The following FAM91A1 variants were observed in gnomAD, a reference collection of about 807,000 sequenced individuals.
The protein encoded by FAM91A1 is family with sequence similarity 91 member A1.
FAM91A1 carries 41 observed loss-of-function variants against 113.5 expected under a neutral mutation model. That is an observed-to-expected ratio of 0.36 (90% CI 0.28 to 0.47). FAM91A1 has a LOEUF of 0.47. Ranked by LOEUF, FAM91A1 falls within the 20% of genes least tolerant of loss-of-function variation. The pLI is 1.00. For missense variants in FAM91A1, 696 were observed against 1,001.2 expected, an observed-to-expected ratio of 0.70 and a Z score of 4.11; for synonymous variants, 307 against 347.9, an observed-to-expected ratio of 0.88 and a Z score of 1.31.
At chr8:123,778,528 AAG>A in intron 5 of FAM91A1, 129 bp from the exon 6 acceptor site, 1 of 622,698 alleles carries the variant, frequency 1.6e-6, no homozygotes, top group East Asian at 3.1e-5. Context: ...TAGAATTGTT[AAG>A]ATTTTAAAAC....
intron 16 of FAM91A1, among the ~76,000 whole-genome samples, 190 bp from the exon 17 acceptor site, chr8:123,799,330 G>T (rs1815619248): frequency 6.6e-6 from 1 of 152,128 alleles, no homozygotes; most frequent in Non-Finnish European, 1.5e-5. Context: ...TCTCTTAATT[G>T]CAGTGACAAG....
intron 20 of FAM91A1, among the ~76,000 whole-genome samples, chr8:123,806,846 A>G (rs1036793346): frequency 2.7e-5 from 4 of 150,260 alleles, no homozygotes; most frequent in African/African-American, 9.8e-5. Context: ...TCTCCTTTCT[A>G]TCTCCAGTCT....
At position 123,814,265 on chromosome 8, in the gene FAM91A1, A is replaced by G. The variant is rs1219010137; in HGVS notation, c.*1561A>G. On this transcript the variant is annotated 3_prime_UTR_variant, in exon 24 of 24. Transcript: ENST00000334705. ...GAGTCACTCACTTATTTTTCCAATA[A>G]TTGATATTGTACATTCCTAGTGCCA... The G allele has an allele frequency of 3.1e-6, 1 of 322,934 alleles. No individual in the cohort carries two copies. Among genetic ancestry groups the G allele is most frequent in the African/African-American group, 2.3e-5 (1 of 43,346 alleles). 20.0% of individuals were successfully genotyped at this position (322,934 alleles called of 1,614,324 possible). A position where few individuals can be genotyped will look rare whatever the true frequency, so the allele number is the denominator to read the frequency against.
intron 1 of FAM91A1, among the ~76,000 whole-genome samples, chr8:123,771,999 C>G (rs1330480873): frequency 2.0e-5 from 3 of 152,046 alleles, no homozygotes; most frequent in Admixed American, 1.3e-4. Flanking sequence ...AAAAAGTCAC[C>G]TTCTCTAGTG....
intron 18 of FAM91A1, among the ~76,000 whole-genome samples, chr8:123,800,568 T>C (rs548758806): frequency 2.0e-5 from 3 of 152,278 alleles, no homozygotes; most frequent in Admixed American, 2.0e-4. Flanking sequence ...TGGGTTTTAG[T>C]GTGTTCACAG....
chr8:123,795,949 C>G (rs903907249), intron 15 of FAM91A1, among the ~76,000 whole-genome samples: 1 of 152,186 alleles, frequency 6.6e-6, no homozygotes, highest in Non-Finnish European at 1.5e-5. Flanking sequence ...GCAGAAGGGC[C>G]TGGGCAACAA....
At chr8:123,788,243 T>A (rs1211286627) in intron 14 of FAM91A1, 1 of 985,062 alleles carries the variant, frequency 1.0e-6, no homozygotes, top group African/African-American at 1.7e-5. Context: ...ACCACCTTTT[T>A]CCCCGTGAGT....
chr8:123,780,383 T>C (rs1815089506), intron 7 of FAM91A1, 97 bp from the exon 8 acceptor site: 5 of 942,376 alleles, frequency 5.3e-6, no homozygotes, highest in African/African-American at 1.7e-5. Flanking sequence ...TAGCATTCAT[T>C]TGTAAGAATC....
chr8:123,791,439 G>A (rs1815382133), intron 15 of FAM91A1, among the ~76,000 whole-genome samples: 1 of 152,168 alleles, frequency 6.6e-6, no homozygotes, highest in East Asian at 1.9e-4. Flanking sequence ...CATGAAGTAA[G>A]TTAAATGGTA....
intron 3 of FAM91A1, 28 bp from the exon 4 acceptor site, chr8:123,777,237 C>T (rs774695810): frequency 4.8e-5 from 70 of 1,464,054 alleles, no homozygotes; most frequent in Non-Finnish European, 5.4e-5. Flanking sequence ...TTTTAGATTT[C>T]AAATTTAAAT....
intron 15 of FAM91A1, 130 bp downstream of exon 15, chr8:123,789,875 C>A (rs1815343352): frequency 1.9e-6 from 2 of 1,065,506 alleles, no homozygotes; most frequent in Non-Finnish European, 2.6e-6. Flanking sequence ...GAATTTATAA[C>A]TAGAGGCCTG....
chr8:123,784,744 TA>T, intron 9 of FAM91A1, 168 bp downstream of exon 9: 1 of 451,904 alleles, frequency 2.2e-6, no homozygotes, highest in Non-Finnish European at 3.7e-6. Flanking sequence ...AAATGTATAT[TA>T]AAATTTAAGT....
intron 4 of FAM91A1, 95 bp downstream of exon 4, chr8:123,777,417 A>C (rs1815013033): frequency 8.9e-7 from 1 of 1,125,728 alleles, no homozygotes; most frequent in South Asian, 1.4e-5. Context: ...TTTTAACCTG[A>C]AATATGTGAA....
intron 3 of FAM91A1, among the ~76,000 whole-genome samples, chr8:123,775,913 C>G (rs1021731809): frequency 3.3e-5 from 5 of 151,508 alleles, no homozygotes; most frequent in Non-Finnish European, 7.4e-5. Flanking sequence ...TGCAGTGAGC[C>G]GAGATAGCGC....
intron 8 of FAM91A1, among the ~76,000 whole-genome samples, chr8:123,782,976 C>T (rs1815160978): frequency 6.6e-6 from 1 of 151,962 alleles, no homozygotes; most frequent in South Asian, 2.1e-4. Flanking sequence ...TCGAGACCAG[C>T]CTGGGCAATA....
chr8:123,812,907 C>T lies in FAM91A1; in HGVS notation c.*203C>T, dbSNP rs778404385. On this transcript the variant is annotated 3_prime_UTR_variant, in exon 24 of 24. Transcript: ENST00000334705. Reference sequence around the variant, plus strand: ...ATTGCGACAAAGTGCTTTTTAGCAGCCAGCACTGTATTTTTTACCTTGAGA... The same window carrying T: ...ATTGCGACAAAGTGCTTTTTAGCAGTCAGCACTGTATTTTTTACCTTGAGA... 16 of 438,928 alleles carry T rather than the reference C, an allele frequency of 3.6e-5. No individual in the cohort carries two copies. The highest frequency in any genetic ancestry group is 6.0e-5 in the Non-Finnish European group (15 of 248,874). 27.2% of individuals were successfully genotyped at this position (438,928 alleles called of 1,614,324 possible). A position where few individuals can be genotyped will look rare whatever the true frequency, so the allele number is the denominator to read the frequency against.
Position 123,814,198 on chromosome 8 carries a change from T to A in FAM91A1, c.*1494T>A. The A allele has an allele frequency of 2.6e-6, 1 of 385,214 alleles. No homozygotes were observed. The highest frequency in any genetic ancestry group is 3.7e-4 in the Middle Eastern group (1 of 2,700). 23.9% of individuals were successfully genotyped at this position (385,214 alleles called of 1,614,324 possible). ...ACCATGTGTATGTTATGTTTGTCTA[T>A]AAAAGAAAAAATACTAATATTAAAT... On this transcript the variant is annotated 3_prime_UTR_variant, in exon 24 of 24. Coordinates refer to ENST00000334705, the MANE Select transcript of FAM91A1 (RefSeq NM_144963.4).
In FAM91A1 at chr8:123,814,006, A is replaced by G. The variant is rs914245744; in HGVS notation, c.*1302A>G. 2.0e-5 allele frequency: 5 copies of G among 252,872 alleles called. No individual in the cohort carries two copies. The highest frequency in any genetic ancestry group is 1.2e-4 in the African/African-American group (5 of 42,154). The allele number at this position is 252,872 out of a possible 1,614,324, so 15.7% of individuals were successfully genotyped here. A position where few individuals can be genotyped will look rare whatever the true frequency, so the allele number is the denominator to read the frequency against. On this transcript the variant is annotated 3_prime_UTR_variant, in exon 24 of 24. Transcript: ENST00000334705. ...AGATATTTGTGTATTTAACATACAT[A>G]CTTCAGGAAATATATGCCTTTCCTA...
At chr8:123,801,212 G>A (rs1815670987) in intron 18 of FAM91A1, among the ~76,000 whole-genome samples, 1 of 152,168 alleles carries the variant, frequency 6.6e-6, no homozygotes, top group Admixed American at 6.5e-5. Flanking sequence ...TCTCATTATA[G>A]TTTTGATTTA....
Sources: gnomAD v4.1 joint callset for allele counts (sites outside exome capture counted in the v4.1 genomes callset) on GRCh38, gnomAD v4.1.1 for gene constraint, MANE v1.5 for transcripts, NCBI Gene and HGNC (gene_info 2026-07-23, HGNC 2026-07-21) for gene names.